Variants in C14orf132 observed in about 807,000 individuals in gnomAD.
C14orf132 encodes uncharacterized protein C14orf132.
Under a neutral mutation model 5.8 loss-of-function variants are expected in C14orf132, and 6 were observed. That is an observed-to-expected ratio of 1.03 (90% confidence interval 0.57 to 2.04). The LOEUF is 2.04. Among genes scored for constraint, C14orf132 ranks in the 30% most tolerant of loss-of-function variants. The pLI is 0.00. For missense variants in C14orf132, 125 were observed against 115.8 expected (o/e 1.08, Z -0.37); for synonymous variants, 51 against 49.8 (o/e 1.02, Z -0.10).
chr14:96,045,404 G>A (rs945982552), intron 1 of C14orf132, among the ~76,000 whole-genome samples: 11 of 152,236 alleles, frequency 7.2e-5, no homozygotes, highest in African/African-American at 2.4e-4. Context: ...CTCCTGTTGG[G>A]AGTGTGAGTT....
intron 1 of C14orf132, among the ~76,000 whole-genome samples, chr14:96,042,688 G>A (rs1406628268): frequency 6.6e-6 from 1 of 152,234 alleles, no homozygotes; most frequent in African/African-American, 2.4e-5. Flanking sequence ...AGACAGAGGT[G>A]CCCTCCCTGG....
intron 1 of C14orf132, among the ~76,000 whole-genome samples, chr14:96,041,570 C>A (rs1420626237): frequency 6.6e-6 from 1 of 152,162 alleles, no homozygotes; most frequent in Non-Finnish European, 1.5e-5. Context: ...TTGATTCATC[C>A]CATTATCCCC....
In C14orf132 at chr14:96,082,698, C is replaced by T. The variant is rs530597247; in HGVS notation, c.28-3813C>T. On this transcript the variant is annotated intron_variant, in intron 1 of 1. Coordinates refer to ENST00000555004, the MANE Select transcript of C14orf132 (RefSeq NM_001252507.3). ...ACAAAAAGCACATGACCAGAAATGC[C>T]GTGTTCCTGATTTCCTCACTTTAGC... Among the ~76,000 whole-genome samples, 58 of 152,240 alleles carry T rather than the reference C, an allele frequency of 3.8e-4. No individual in the cohort carries two copies. In the Middle Eastern group the frequency reaches 0.01, roughly 27 times the overall value.
intron 1 of C14orf132, among the ~76,000 whole-genome samples, chr14:96,075,129 A>G (rs28860609): frequency 0.21 from 31,652 of 152,100 alleles, 3,780 homozygotes; most frequent in Non-Finnish European, 0.27. Flanking sequence ...TCCTGCACGT[A>G]TTTTGTTAGA....
chr14:96,090,523 T>G lies in C14orf132; in HGVS notation c.*3788T>G, dbSNP rs1391670341. 1 of 438,752 alleles carries G rather than the reference T, an allele frequency of 2.3e-6. No individual in the cohort carries two copies. 27.2% of individuals were successfully genotyped at this position (438,752 alleles called of 1,614,324 possible). On this transcript the variant is annotated 3_prime_UTR_variant, in exon 2 of 2. Coordinates refer to ENST00000555004, the MANE Select transcript of C14orf132 (RefSeq NM_001252507.3). The stretch of plus-strand genomic sequence containing the variant: ...GCCAGGCCTGTCTTAAGAGGACTTG[T>G]GCTTCCAGGGACCCAGGCAGGATGA...
rs1195002044 is a variant in C14orf132, at chr14:96,092,163, A to G, written c.*5428A>G. ...TAGAAGTCATGCATTTATTATCAAG[A>G]TAGAAAAGAGCAGAGAATGACGTGG... is the stretch of plus-strand genomic sequence containing the variant. On this transcript the variant is annotated 3_prime_UTR_variant, in exon 2 of 2. Coordinates refer to ENST00000555004, the MANE Select transcript of C14orf132 (RefSeq NM_001252507.3). The G allele has an allele frequency of 1.3e-5, 2 of 152,232 alleles. No individual in the cohort carries two copies. Among genetic ancestry groups the G allele is most frequent in the African/African-American group, 4.8e-5 (2 of 41,456 alleles). The allele number at this position is 152,232 out of a possible 1,614,324, so 9.4% of individuals were successfully genotyped here.
rs142139284 is a variant in C14orf132 at position 96,075,322 on chromosome 14, G to T, written c.28-11189G>T. Among the ~76,000 whole-genome samples the T allele has an allele frequency of 2.0e-5, 3 of 152,210 alleles. No individual in the cohort carries two copies. In the East Asian group the frequency reaches 5.8e-4, roughly 29 times the overall value. On this transcript the variant is annotated intron_variant, in intron 1 of 1. Transcript: ENST00000555004. ...TTTTGGAAATTCCTTGAGATTTTCT[G>T]TATAGACAATCATTTCTTCTGCAAT...
chr14:96,081,234 T>G (rs1888024272), intron 1 of C14orf132, among the ~76,000 whole-genome samples: 1 of 152,206 alleles, frequency 6.6e-6, no homozygotes, highest in Admixed American at 6.5e-5. Flanking sequence ...CTATCGGAGT[T>G]TATTTTGTGA....
At position 96,086,978 on chromosome 14, in the gene C14orf132, G is replaced by C; in HGVS notation, c.*243G>C. ...GGCATGACGGGGCAAGGCCTTCAGA[G>C]GGCAGATTGGGGATCCTTGAAACTA... is the stretch of plus-strand genomic sequence containing the variant. On this transcript the variant is annotated 3_prime_UTR_variant, in exon 2 of 2. Coordinates refer to ENST00000555004, the MANE Select transcript of C14orf132 (RefSeq NM_001252507.3). The C allele has an allele frequency of 1.8e-6, 1 of 551,024 alleles. No individual in the cohort carries two copies. The highest frequency in any genetic ancestry group is 3.2e-6 in the Non-Finnish European group (1 of 310,038). 34.1% of individuals were successfully genotyped at this position (551,024 alleles called of 1,614,324 possible).
intron 1 of C14orf132, among the ~76,000 whole-genome samples, chr14:96,063,941 A>G (rs1316137756): frequency 1.3e-5 from 2 of 152,176 alleles, no homozygotes; most frequent in African/African-American, 2.4e-5. Context: ...TCAAAAGAAG[A>G]TATGCAAATG....
rs1688165601 is a variant in C14orf132, at chr14:96,091,133, G to A, written c.*4398G>A. ...TGAACGCTCACAGCTAAGGAGCTGT[G>A]ATTCAGACCCAGTTCTGTCAGCTCT... On this transcript the variant is annotated 3_prime_UTR_variant, in exon 2 of 2. Coordinates refer to ENST00000555004, the MANE Select transcript of C14orf132 (RefSeq NM_001252507.3). The A allele has an allele frequency of 2.4e-6, 1 of 408,404 alleles. No homozygotes were observed. Among genetic ancestry groups the A allele is most frequent in the Admixed American group, 2.6e-5 (1 of 38,434 alleles). The allele number at this position is 408,404 out of a possible 1,614,324, so 25.3% of individuals were successfully genotyped here. A position where few individuals can be genotyped will look rare whatever the true frequency, so the allele number is the denominator to read the frequency against.
intron 1 of C14orf132, among the ~76,000 whole-genome samples, chr14:96,044,285 C>T (rs922107955): frequency 6.6e-6 from 1 of 152,180 alleles, no homozygotes; most frequent in Non-Finnish European, 1.5e-5. Flanking sequence ...GCAATCTGCC[C>T]ACCTCAACTG....
chr14:96,080,069 G>A (rs1270907845), intron 1 of C14orf132, among the ~76,000 whole-genome samples: 1 of 152,200 alleles, frequency 6.6e-6, no homozygotes, highest in Non-Finnish European at 1.5e-5. Context: ...CTTAAATTTT[G>A]TTTGAGAATT....
At chr14:96,070,325 T>C (rs1191853605) in intron 1 of C14orf132, among the ~76,000 whole-genome samples, 2 of 152,162 alleles carry the variant, frequency 1.3e-5, no homozygotes, top group Non-Finnish European at 2.9e-5. Flanking sequence ...CAGGTAGCCA[T>C]CCTTCCCTTG....
chr14:96,060,644 C>A (rs1165909779), intron 1 of C14orf132, among the ~76,000 whole-genome samples: 1 of 152,188 alleles, frequency 6.6e-6, no homozygotes, highest in East Asian at 1.9e-4. Context: ...CACTTGATTT[C>A]CTCCTCAGCC....
chr14:96,062,746 CA>C (rs897597249), intron 1 of C14orf132, among the ~76,000 whole-genome samples: 35 of 152,276 alleles, frequency 2.3e-4, no homozygotes, highest in Admixed American at 2.3e-3. Flanking sequence ...CCAGGTTTCT[CA>C]ACAGAGGATT....
In C14orf132 at chr14:96,082,422, TG is replaced by T. The variant is rs1014604215; in HGVS notation, c.28-4088del. ...AATGATGGAATTGAGACTGACTTTT[TG>T]TTTTTGAGTCATGGAATTCTGCTGT... is the stretch of plus-strand genomic sequence containing the variant. On this transcript the variant is annotated intron_variant, in intron 1 of 1. Transcript: ENST00000555004. 5.9e-5 allele frequency among the ~76,000 whole-genome samples: 9 copies of T among 152,366 alleles called. 1 individual carries two copies. The highest frequency in any genetic ancestry group is 1.9e-4 in the East Asian group (1 of 5,176).
intron 1 of C14orf132, among the ~76,000 whole-genome samples, chr14:96,058,897 C>G (rs543041536): frequency 5.9e-5 from 9 of 152,238 alleles, no homozygotes; most frequent in Non-Finnish European, 1.3e-4. Context: ...CTTGGCTCTG[C>G]CAGAGCCTGG....
intron 1 of C14orf132, among the ~76,000 whole-genome samples, chr14:96,046,500 A>C (rs1238050801): frequency 6.6e-6 from 1 of 152,192 alleles, no homozygotes; most frequent in African/African-American, 2.4e-5. Context: ...CTGACATTTG[A>C]CCATTTTTGA....
Sources: gnomAD v4.1 joint callset for allele counts (sites outside exome capture counted in the v4.1 genomes callset) on GRCh38, gnomAD v4.1.1 for gene constraint, MANE v1.5 for transcripts, NCBI Gene and HGNC (gene_info 2026-07-23, HGNC 2026-07-21) for gene names.